The following FGF14 variants were observed in gnomAD, a reference collection of about 807,000 sequenced individuals.
FGF14 encodes fibroblast growth factor homologous factor 4.
A neutral mutation model predicts 25.5 loss-of-function variants in FGF14; 5 were observed. The observed-to-expected ratio is 0.20, with a 90% CI of 0.10 to 0.41. FGF14 has a LOEUF of 0.41. FGF14 is among the 10% of genes least tolerant of loss of function. The pLI is 1.00. For missense variants in FGF14, 222 were observed against 320.1 expected, an observed-to-expected ratio of 0.69 and a Z score of 2.34; for synonymous variants, 138 against 118.3, an observed-to-expected ratio of 1.17 and a Z score of -1.08.
intron 3 of FGF14, among the ~76,000 whole-genome samples, chr13:101,749,398 C>A (rs1397651162): frequency 1.3e-5 from 2 of 151,940 alleles, no homozygotes; most frequent in Non-Finnish European, 2.9e-5. Flanking sequence ...CAGAGCAAAA[C>A]AACAATAAAA....
At chr13:101,813,641 C>T (rs1482596316) in intron 3 of FGF14, among the ~76,000 whole-genome samples, 3 of 152,072 alleles carry the variant, frequency 2.0e-5, no homozygotes, top group Non-Finnish European at 4.4e-5. Context: ...TTTACAATGC[C>T]CTTGCTATTT....
At chr13:101,743,079 T>C (rs1251532810) in intron 3 of FGF14, among the ~76,000 whole-genome samples, 1 of 152,220 alleles carries the variant, frequency 6.6e-6, no homozygotes, top group African/African-American at 2.4e-5. Flanking sequence ...GCTGAACCAA[T>C]GTGCGTCATA....
At chr13:102,357,203 C>T (rs1306610069) in intron 1 of FGF14, among the ~76,000 whole-genome samples, 2 of 151,386 alleles carry the variant, frequency 1.3e-5, no homozygotes, top group East Asian at 3.9e-4. Flanking sequence ...CCAGGTTGCA[C>T]ACCTCGAGGG....
intron 3 of FGF14, among the ~76,000 whole-genome samples, chr13:101,762,851 G>A (rs1281553120): frequency 6.6e-6 from 1 of 152,114 alleles, no homozygotes; most frequent in Non-Finnish European, 1.5e-5. Context: ...CTCCCATGGT[G>A]TCACATTTTT....
intron 3 of FGF14, among the ~76,000 whole-genome samples, chr13:101,863,477 G>C (rs897119692): frequency 6.6e-6 from 1 of 152,124 alleles, no homozygotes; most frequent in Non-Finnish European, 1.5e-5. Flanking sequence ...CATAAAACCT[G>C]GGGGAGGAGG....
At position 102,249,789 on chromosome 13, in the gene FGF14, T is replaced by C. The variant is rs139096705; in HGVS notation, c.208+151682A>G. 3.0e-3 allele frequency among the ~76,000 whole-genome samples: 459 copies of C among 152,330 alleles called. 1 individual carries two copies. Among genetic ancestry groups the C allele is most frequent in the South Asian group, 7.9e-3 (38 of 4,828 alleles). On this transcript the variant is annotated intron_variant, in intron 1 of 4. Coordinates refer to the FGF14 transcript ENST00000376131. ...CAGTCTTGGGAAACTCTTTCACATCTCTTGAATTATTTGGTGCAATTCAAA... is the reference window on the plus strand; with the variant it reads ...CAGTCTTGGGAAACTCTTTCACATCCCTTGAATTATTTGGTGCAATTCAAA...
At chr13:101,898,890 G>A (rs1329153739) in intron 1 of FGF14, among the ~76,000 whole-genome samples, 1 of 152,164 alleles carries the variant, frequency 6.6e-6, no homozygotes, top group Non-Finnish European at 1.5e-5. Flanking sequence ...ATGGAGATGA[G>A]CACTGTGTTG....
intron 3 of FGF14, among the ~76,000 whole-genome samples, chr13:101,747,139 T>C (rs2036943903): frequency 6.6e-6 from 1 of 151,744 alleles, no homozygotes. Context: ...AAATAAGAAA[T>C]AGATGAGTAC....
At chr13:101,845,822 G>A (rs1365657519) in intron 3 of FGF14, among the ~76,000 whole-genome samples, 1 of 151,974 alleles carries the variant, frequency 6.6e-6, no homozygotes, top group Non-Finnish European at 1.5e-5. Flanking sequence ...CATAGATTAT[G>A]TTGACAGAAA....
intron 1 of FGF14, among the ~76,000 whole-genome samples, chr13:102,284,830 A>T (rs1257828908): frequency 2.4e-4 from 36 of 152,142 alleles, no homozygotes; most frequent in Non-Finnish European, 4.4e-5. Context: ...CTAAATAATT[A>T]ATATAATCAT....
At chr13:102,052,434 G>C (rs1221139635) in intron 1 of FGF14, among the ~76,000 whole-genome samples, 1 of 151,884 alleles carries the variant, frequency 6.6e-6, no homozygotes, top group African/African-American at 2.4e-5. Context: ...AAGACATATT[G>C]TAACCGATTT....
intron 3 of FGF14, among the ~76,000 whole-genome samples, chr13:101,835,403 ATTG>A (rs2042875430): frequency 6.6e-6 from 1 of 151,952 alleles, no homozygotes; most frequent in African/African-American, 2.4e-5. Flanking sequence ...AAGTTATCTT[ATTG>A]TTGTTTTAGT....
intron 1 of FGF14, among the ~76,000 whole-genome samples, chr13:102,391,399 T>C (rs1299735348): frequency 6.6e-6 from 1 of 152,190 alleles, no homozygotes; most frequent in Non-Finnish European, 1.5e-5. Context: ...TGTACCAGAA[T>C]GGCCTCAGTA....
chr13:102,177,637 G>GA (rs2048501476), intron 1 of FGF14, among the ~76,000 whole-genome samples: 1 of 151,918 alleles, frequency 6.6e-6, no homozygotes, highest in Non-Finnish European at 1.5e-5. Flanking sequence ...GTTATTCCCA[G>GA]AAAAATAATG....
intron 1 of FGF14, among the ~76,000 whole-genome samples, chr13:102,042,677 T>C (rs74409115): frequency 1.3e-5 from 2 of 152,304 alleles, no homozygotes; most frequent in East Asian, 3.9e-4. Flanking sequence ...CCTTGCAGAT[T>C]TGCAGTTAAA....
chr13:102,101,725 G>A (rs1229902303), intron 1 of FGF14, among the ~76,000 whole-genome samples: 2 of 151,248 alleles, frequency 1.3e-5, no homozygotes, highest in East Asian at 3.9e-4. Flanking sequence ...TTTTCTTTGA[G>A]ATGGAGTCTC....
intron 1 of FGF14, among the ~76,000 whole-genome samples, chr13:102,219,135 A>C (rs1230186498): frequency 2.0e-5 from 3 of 152,016 alleles, no homozygotes; most frequent in Non-Finnish European, 1.5e-5. Context: ...ATTACTGTTG[A>C]CTCTAGTCAC....
At chr13:102,193,256 T>C (rs1355217695) in intron 1 of FGF14, among the ~76,000 whole-genome samples, 1 of 152,192 alleles carries the variant, frequency 6.6e-6, no homozygotes, top group Non-Finnish European at 1.5e-5. Flanking sequence ...TGCTCTGCCA[T>C]GGCCTTTCTT....
intron 1 of FGF14, among the ~76,000 whole-genome samples, chr13:102,291,497 G>A (rs2054393703): frequency 6.6e-6 from 1 of 152,144 alleles, no homozygotes; most frequent in African/African-American, 2.4e-5. Context: ...CCCGTGTCAA[G>A]AATGTGTTCT....
Sources: allele counts gnomAD v4.1 joint callset (sites outside exome capture counted in the v4.1 genomes callset), GRCh38; gene constraint gnomAD v4.1.1; transcripts MANE v1.5; gene names NCBI Gene and HGNC (gene_info 2026-07-23, HGNC 2026-07-21).